CORIN: variants seen among roughly 807,000 people sequenced by gnomAD.
The protein encoded by CORIN is atrial natriuretic peptide-converting enzyme.
In CORIN, 117 loss-of-function variants were observed where a neutral mutation model predicts 125.3. That is an observed-to-expected ratio of 0.93 (90% CI 0.80 to 1.09). The LOEUF is 1.09. Among genes scored for constraint, CORIN ranks in the 50% least tolerant of loss-of-function variants. The pLI, the probability that CORIN is intolerant of heterozygous loss-of-function variation, is 0.00. For synonymous variants in CORIN, 450 were observed against 466.4 expected (o/e 0.96, Z 0.45); for missense variants, 1,253 against 1,306.7 (o/e 0.96, Z 0.63).
At chr4:47,832,445 CTTTT>C (rs1211972356) in intron 1 of CORIN, among the ~76,000 whole-genome samples, 1 of 76,920 alleles carries the variant, frequency 1.3e-5, no homozygotes, top group Non-Finnish European at 2.9e-5. Flanking sequence ...CTTTTCTTTT[CTTTT>C]TTTTTTTTTT....
rs1378066855 is a variant in CORIN, at chr4:47,714,954, T to C, written c.800-21871A>G. Among the ~76,000 whole-genome samples the C allele has an allele frequency of 3.3e-5, 5 of 152,332 alleles. No individual in the cohort carries two copies. The East Asian group carries it at 9.6e-4, about 29-fold the overall frequency. On this transcript the variant is annotated intron_variant, in intron 5 of 21. Transcript: ENST00000273857. The stretch of plus-strand genomic sequence containing the variant: ...TATTATGACTAACATCTTAAAATAG[T>C]GTTTAATAAACACAAATCTTGACCT...
intron 5 of CORIN, among the ~76,000 whole-genome samples, chr4:47,735,942 TAAAAAAAAA>T (rs749270493): frequency 1.0e-5 from 1 of 96,408 alleles, no homozygotes; most frequent in Non-Finnish European, 2.1e-5. Context: ...GACTCCATCT[TAAAAAAAAA>T]AAAAAAAAAA....
chr4:47,806,854 G>A (rs2109952640), intron 2 of CORIN, 49 bp downstream of exon 2: 1 of 1,558,344 alleles, frequency 6.4e-7, no homozygotes, highest in Non-Finnish European at 8.7e-7. Flanking sequence ...TCTAGATCAT[G>A]CTAATTTTCA....
At chr4:47,673,756 C>G (rs996665062) in intron 10 of CORIN, among the ~76,000 whole-genome samples, 1 of 152,054 alleles carries the variant, frequency 6.6e-6, no homozygotes, top group East Asian at 1.9e-4. Flanking sequence ...CCTGGAAAGG[C>G]GAGAATAAAT....
At chr4:47,814,290 G>A (rs1732174687) in intron 1 of CORIN, among the ~76,000 whole-genome samples, 4 of 152,122 alleles carry the variant, frequency 2.6e-5, no homozygotes, top group African/African-American at 9.7e-5. Flanking sequence ...AAGAAATGCA[G>A]ACACTGAGAC....
At chr4:47,757,878 G>GTATGTATA (rs1553916061) in intron 4 of CORIN, among the ~76,000 whole-genome samples, 2 of 123,926 alleles carry the variant, frequency 1.6e-5, no homozygotes, top group African/African-American at 6.6e-5. Context: ...ATATATATAT[G>GTATGTATA]TATATATATA....
chr4:47,712,223 C>A (rs1560515953), intron 5 of CORIN, among the ~76,000 whole-genome samples: 1 of 152,008 alleles, frequency 6.6e-6, no homozygotes, highest in Non-Finnish European at 1.5e-5. Flanking sequence ...ATAATATAGT[C>A]ATAATATGAC....
chr4:47,624,862 C>G (rs1722485955), intron 17 of CORIN, among the ~76,000 whole-genome samples: 1 of 148,186 alleles, frequency 6.7e-6, no homozygotes, highest in South Asian at 2.1e-4. Flanking sequence ...TACTTAGAAT[C>G]CTAGATCTAT....
At chr4:47,762,255 T>C (rs78424679) in intron 4 of CORIN, among the ~76,000 whole-genome samples, 5,823 of 152,232 alleles carry the variant, frequency 0.038, 374 homozygotes, top group African/African-American at 0.13. Flanking sequence ...CATGTATGTA[T>C]ACTTCAAAAC....
At chr4:47,705,048 G>A (rs895074803) in intron 5 of CORIN, among the ~76,000 whole-genome samples, 16 of 152,174 alleles carry the variant, frequency 1.1e-4, no homozygotes, top group African/African-American at 3.9e-4. Flanking sequence ...TTGTGATTGC[G>A]ACTGAGTAAA....
At chr4:47,672,620 G>C (rs555529799) in intron 10 of CORIN, among the ~76,000 whole-genome samples, 6 of 150,730 alleles carry the variant, frequency 4.0e-5, no homozygotes, top group Non-Finnish European at 7.4e-5. Flanking sequence ...TATGTTATAC[G>C]TGTGTGTGTG....
At chr4:47,642,776 G>A in intron 15 of CORIN, 1 of 1,304,894 alleles carries the variant, frequency 7.7e-7, no homozygotes, top group Non-Finnish European at 1.0e-6. Context: ...GAAGGCAGAG[G>A]GGCCACTTGA....
At chr4:47,702,240 A>G (rs1726330586) in intron 5 of CORIN, among the ~76,000 whole-genome samples, 1 of 152,222 alleles carries the variant, frequency 6.6e-6, no homozygotes, top group Admixed American at 6.5e-5. Flanking sequence ...CAATGGAACA[A>G]CATATAAACT....
At chr4:47,730,366 G>A (rs895200740) in intron 5 of CORIN, among the ~76,000 whole-genome samples, 5 of 151,742 alleles carry the variant, frequency 3.3e-5, no homozygotes, top group Admixed American at 1.3e-4. Flanking sequence ...CTAGCTACTC[G>A]GGAGGCTGAG....
chr4:47,604,182 G>A (rs1267109103), intron 19 of CORIN, among the ~76,000 whole-genome samples: 2 of 152,128 alleles, frequency 1.3e-5, no homozygotes, highest in Non-Finnish European at 2.9e-5. Context: ...TATTTTAGTC[G>A]ATTCCCACCT....
intron 5 of CORIN, among the ~76,000 whole-genome samples, chr4:47,723,859 G>C (rs1727463926): frequency 6.6e-6 from 1 of 151,906 alleles, no homozygotes; most frequent in African/African-American, 2.4e-5. Context: ...AGCCAGGCAT[G>C]GTGGTGGGCG....
intron 21 of CORIN, among the ~76,000 whole-genome samples, chr4:47,599,258 A>G (rs1577724202): frequency 6.6e-6 from 1 of 152,138 alleles, no homozygotes; most frequent in Non-Finnish European, 1.5e-5. Context: ...GCGAAATGCC[A>G]AGGGAGCTGT....
At position 47,600,266 on chromosome 4, in the gene CORIN, G is replaced by A. The variant is rs1312427679; in HGVS notation, c.2894C>T (p.Thr965Ile). 6.2e-7 allele frequency: 1 copy of A among 1,613,806 alleles called. No individual in the cohort carries two copies. Among genetic ancestry groups the A allele is most frequent in the Non-Finnish European group, 8.5e-7 (1 of 1,179,810 alleles). ...CQSYFDMKTI[T>I]TRMICAGYES... is the part of the protein sequence containing the mutation. ...ATAGCCAGCACATATCATCCGAGTG[G>A]TGATGGTCTTCATGTCAAAGTAGGA... The change falls in exon 21 of 22, where the codon ACC becomes ATC. Residue 965 changes from threonine to isoleucine, a missense_variant. By Grantham distance (89) the Thr-to-Ile change is moderately conservative. Coordinates refer to ENST00000273857, the MANE Select transcript of CORIN (RefSeq NM_006587.4).
intron 4 of CORIN, among the ~76,000 whole-genome samples, chr4:47,752,726 G>T (rs960764709): frequency 6.6e-6 from 1 of 151,944 alleles, no homozygotes; most frequent in African/African-American, 2.4e-5. Context: ...AATTAAGATG[G>T]GCATAAATAA....
Sources: gnomAD v4.1 joint callset for allele counts (sites outside exome capture counted in the v4.1 genomes callset) on GRCh38, gnomAD v4.1.1 for gene constraint, MANE v1.5 for transcripts, NCBI Gene and HGNC (gene_info 2026-07-23, HGNC 2026-07-21) for gene names.